The following PRKN variants were observed in gnomAD, a reference collection of about 807,000 sequenced individuals.
The protein encoded by PRKN is parkin RBR E3 ubiquitin protein ligase.
In PRKN, 56 loss-of-function variants were observed where a neutral mutation model predicts 59.5. That is an observed-to-expected ratio of 0.94 (90% CI 0.76 to 1.18). The LOEUF (loss-of-function observed/expected upper bound fraction) is 1.18. Ranked by LOEUF, PRKN falls within the 50% of genes most tolerant of loss-of-function variation. The probability of loss-of-function intolerance (pLI) is 0.00; values close to 1 mark genes in which losing one functional copy is unlikely to be tolerated. For synonymous variants in PRKN, 250 were observed against 222.1 expected, an observed-to-expected ratio of 1.13 and a Z score of -1.12; for missense variants, 657 against 596.4, an observed-to-expected ratio of 1.10 and a Z score of -1.06.
intron 1 of PRKN, among the ~76,000 whole-genome samples, chr6:162,645,563 G>C (rs768524788): frequency 2.0e-5 from 3 of 151,990 alleles, no homozygotes; most frequent in Admixed American, 6.5e-5. Context: ...TAAATTTTTT[G>C]CTGGCATAGT....
chr6:162,444,848 C>T (rs1790233089), intron 1 of PRKN, among the ~76,000 whole-genome samples: 1 of 152,142 alleles, frequency 6.6e-6, no homozygotes. Context: ...CTCTTTAGGT[C>T]TCAGTTCCCT....
At chr6:161,813,257 A>G (rs1791633420) in intron 6 of PRKN, among the ~76,000 whole-genome samples, 1 of 152,122 alleles carries the variant, frequency 6.6e-6, no homozygotes, top group South Asian at 2.1e-4. Flanking sequence ...CTGGTTCAGC[A>G]TCCCAGGTGC....
Position 161,548,699 on chromosome 6 carries a change from A to T in PRKN, c.1083+155T>A. 2.7e-6 allele frequency: 2 copies of T among 729,012 alleles called. No homozygotes were observed. The highest frequency in any genetic ancestry group is 4.7e-6 in the Non-Finnish European group (2 of 429,390). 45.2% of individuals were successfully genotyped at this position (729,012 alleles called of 1,614,324 possible). On this transcript the variant is annotated intron_variant, in intron 9 of 11. Coordinates refer to ENST00000366898, the MANE Select transcript of PRKN (RefSeq NM_004562.3). This position sits in a 1 kb window ranked among gnomAD's most constrained non-coding sequence, Gnocchi z 4.2. ...CATAAATTTTCAAATCTGGAGTCCTATAAAGGAATTTAAAATCTATTTTCT... is the reference window on the plus strand; with the variant it reads ...CATAAATTTTCAAATCTGGAGTCCTTTAAAGGAATTTAAAATCTATTTTCT...
At chr6:162,210,335 A>G (rs1785153796) in intron 3 of PRKN, among the ~76,000 whole-genome samples, 2 of 152,084 alleles carry the variant, frequency 1.3e-5, no homozygotes, top group South Asian at 2.1e-4. Context: ...GAGGTGAGGC[A>G]CTTAGAACAA....
chr6:161,472,585 G>A (rs534378637), intron 9 of PRKN, among the ~76,000 whole-genome samples: 44 of 152,142 alleles, frequency 2.9e-4, no homozygotes, highest in Admixed American at 1.6e-3. Context: ...AAACCCCATC[G>A]CCTTGGCAAT....
chr6:161,581,756 AG>A lies in PRKN; in HGVS notation c.872-12341del, dbSNP rs1322732321. Among the ~76,000 whole-genome samples the A allele has an allele frequency of 6.6e-6, 1 of 152,146 alleles. No individual in the cohort carries two copies. The highest frequency in any genetic ancestry group is 2.4e-5 in the African/African-American group (1 of 41,446). On this transcript the variant is annotated intron_variant, in intron 7 of 11. Coordinates refer to ENST00000366898, the MANE Select transcript of PRKN (RefSeq NM_004562.3). The surrounding 1 kb of genome is among the most constrained non-coding windows in gnomAD (Gnocchi z 4.5). Reference sequence around the variant, plus strand: ...GATTCTGTTTGAGGACTTAAAGGTGAGGGATGGGAAAGTGGTCCTGCCGAGC... The same window carrying A: ...GATTCTGTTTGAGGACTTAAAGGTGAGGATGGGAAAGTGGTCCTGCCGAGC...
At chr6:161,996,479 C>G (rs9346893) in intron 5 of PRKN, among the ~76,000 whole-genome samples, 71,523 of 150,750 alleles carry the variant, frequency 0.47, 17,065 homozygotes, top group East Asian at 0.6. Flanking sequence ...GTTGACTGAT[C>G]CATCAAAAAT....
chr6:162,217,237 A>G (rs1777716765), intron 3 of PRKN, among the ~76,000 whole-genome samples: 1 of 152,182 alleles, frequency 6.6e-6, no homozygotes, highest in Non-Finnish European at 1.5e-5. Flanking sequence ...CCTGATATGC[A>G]TGGTTTCCAC....
chr6:161,358,882 C>A (rs995753057), intron 11 of PRKN, among the ~76,000 whole-genome samples: 2 of 144,662 alleles, frequency 1.4e-5, no homozygotes, highest in African/African-American at 2.6e-5. Flanking sequence ...GCAAGCTCTG[C>A]CTCCCGGGTT....
Position 161,457,118 on chromosome 6 carries a change from T to C in PRKN, c.1084-70241A>G, listed in dbSNP as rs1790005415. On this transcript the variant is annotated intron_variant, in intron 9 of 11. Transcript: ENST00000366898. The surrounding 1 kb of genome is among the most constrained non-coding windows in gnomAD (Gnocchi z 5.0). ...TACGCAAGGCTCTCTTCCAGACCGCTTGGTTCTTTGGAGTCCAGGAGTTCT... is the reference window on the plus strand; with the variant it reads ...TACGCAAGGCTCTCTTCCAGACCGCCTGGTTCTTTGGAGTCCAGGAGTTCT... 6.6e-6 allele frequency among the ~76,000 whole-genome samples: 1 copy of C among 152,216 alleles called. No homozygotes were observed. Among genetic ancestry groups the C allele is most frequent in the South Asian group, 2.1e-4 (1 of 4,832 alleles).
At chr6:162,019,940 A>C (rs1036989787) in intron 5 of PRKN, among the ~76,000 whole-genome samples, 1 of 152,082 alleles carries the variant, frequency 6.6e-6, no homozygotes, top group Non-Finnish European at 1.5e-5. Flanking sequence ...AATTGCTTGA[A>C]ACTGGAAGGC....
intron 6 of PRKN, among the ~76,000 whole-genome samples, chr6:161,860,073 T>A (rs1472203694): frequency 1.3e-5 from 2 of 152,162 alleles, no homozygotes; most frequent in African/African-American, 4.8e-5. Flanking sequence ...CAAATCAAAG[T>A]CTCATCTATT....
At chr6:161,851,277 A>T (rs573463745) in intron 6 of PRKN, among the ~76,000 whole-genome samples, 6 of 152,190 alleles carry the variant, frequency 3.9e-5, no homozygotes, top group Admixed American at 3.3e-4. Context: ...GTTATGAATC[A>T]GTAGGAAGAC....
At chr6:161,950,293 C>G (rs1179430732) in intron 6 of PRKN, among the ~76,000 whole-genome samples, 2 of 152,114 alleles carry the variant, frequency 1.3e-5, no homozygotes, top group Admixed American at 6.5e-5. Context: ...GCCTGTAATC[C>G]CAGCACTTTG....
At chr6:162,476,529 C>T (rs1206034646) in intron 1 of PRKN, among the ~76,000 whole-genome samples, 1 of 152,070 alleles carries the variant, frequency 6.6e-6, no homozygotes, top group Non-Finnish European at 1.5e-5. Flanking sequence ...TATAGGCTTT[C>T]TTAAGTGAAA....
At chr6:162,623,676 T>C (rs1227693642) in intron 1 of PRKN, among the ~76,000 whole-genome samples, 3 of 152,088 alleles carry the variant, frequency 2.0e-5, no homozygotes, top group South Asian at 2.1e-4. Context: ...CTTAAGGCTG[T>C]TGTCCAACAG....
At chr6:161,439,231 CG>C (rs969767244) in intron 9 of PRKN, among the ~76,000 whole-genome samples, 12 of 152,118 alleles carry the variant, frequency 7.9e-5, no homozygotes, top group African/African-American at 2.4e-4. Flanking sequence ...TCATTAGTCC[CG>C]GGCTCACGGC....
intron 1 of PRKN, among the ~76,000 whole-genome samples, chr6:162,515,923 T>C (rs531056926): frequency 5.9e-5 from 9 of 152,332 alleles, no homozygotes; most frequent in African/African-American, 1.9e-4. Flanking sequence ...AAAGGGTCTC[T>C]ATAAGAGGAG....
In PRKN at chr6:161,480,382, G is replaced by C. The variant is rs1791333465; in HGVS notation, c.1083+68472C>G. On this transcript the variant is annotated intron_variant, in intron 9 of 11. Coordinates refer to ENST00000366898, the MANE Select transcript of PRKN (RefSeq NM_004562.3). This position sits in a 1 kb window ranked among gnomAD's most constrained non-coding sequence, Gnocchi z 4.1. ...TGTACAGGTCGCACACTCCAAGCTG[G>C]CCCTATTTTCCTATTCCACCATCAC... Among the ~76,000 whole-genome samples the C allele has an allele frequency of 6.6e-6, 1 of 152,108 alleles. No homozygotes were observed. The highest frequency in any genetic ancestry group is 2.4e-5 in the African/African-American group (1 of 41,414).
Sources: allele counts gnomAD v4.1 joint callset (sites outside exome capture counted in the v4.1 genomes callset), GRCh38; gene constraint gnomAD v4.1.1; non-coding constraint Gnocchi (gnomAD v3.1); transcripts MANE v1.5; gene names NCBI Gene and HGNC (gene_info 2026-07-23, HGNC 2026-07-21).